RNF212: variants seen among roughly 807,000 people sequenced by gnomAD.
RNF212 encodes probable E3 SUMO-protein ligase RNF212.
Under a neutral mutation model 34.7 loss-of-function variants are expected in RNF212, and 33 were observed. That is an observed-to-expected ratio of 0.95 (90% confidence interval 0.72 to 1.27). RNF212 has a LOEUF of 1.27. Ranked by LOEUF, RNF212 falls within the 50% of genes most tolerant of loss-of-function variation. The pLI is 0.00. For synonymous variants in RNF212, 140 were observed against 136.1 expected (o/e 1.03, Z -0.20); for missense variants, 377 against 362.2 (o/e 1.04, Z -0.33).
intron 3 of RNF212, chr4:1,093,897 GT>G (rs1442999847): frequency 5.2e-6 from 8 of 1,536,144 alleles, no homozygotes; most frequent in Admixed American, 2.0e-5. Flanking sequence ...CTGACCCAGT[GT>G]TCTTGGGGAT....
chr4:1,076,408 C>T (rs1416945127), intron 8 of RNF212, among the ~76,000 whole-genome samples: 1 of 152,238 alleles, frequency 6.6e-6, no homozygotes, highest in Non-Finnish European at 1.5e-5. Context: ...CTGTGGCCCT[C>T]CCTCTGACGA....
rs1024190437 is a variant in RNF212 at position 1,056,537 on chromosome 4, A to G, written n.221-34T>C. The G allele has an allele frequency of 5.2e-6, 5 of 968,168 alleles. No homozygotes were observed. The African/African-American group carries it at 7.0e-5, about 14-fold the overall frequency. The allele number at this position is 968,168 out of a possible 1,614,324, so 60.0% of individuals were successfully genotyped here. On this transcript the variant is annotated intron_variant and non_coding_transcript_variant, in intron 4 of 4. Coordinates refer to the RNF212 transcript ENST00000503206. Reference sequence around the variant, plus strand: ...GAAAATGAGGGTGCACATGTTACATACAAAAAATAAGGTGGGGAGAAGAGT... The same window carrying G: ...GAAAATGAGGGTGCACATGTTACATGCAAAAAATAAGGTGGGGAGAAGAGT...
chr4:1,071,273 C>T (rs1231056518), downstream of RNF212, among the ~76,000 whole-genome samples: 1 of 149,402 alleles, frequency 6.7e-6, no homozygotes, highest in Non-Finnish European at 1.5e-5. Flanking sequence ...AAAAAACTAA[C>T]TTGGTTTTTA....
chr4:1,068,515 C>T (rs73792252), downstream of RNF212, among the ~76,000 whole-genome samples: 548 of 152,350 alleles, frequency 3.6e-3, 5 homozygotes, highest in African/African-American at 0.013. Flanking sequence ...TGCTTATTAT[C>T]CTCTATGTTA....
At chr4:1,082,470 G>A (rs533635351) in intron 5 of RNF212, among the ~76,000 whole-genome samples, 32 of 152,358 alleles carry the variant, frequency 2.1e-4, no homozygotes, top group African/African-American at 7.5e-4. Context: ...GTCTATGCTG[G>A]CTGGGTTTTG....
At chr4:1,073,233 C>T in intron 9 of RNF212, 40 bp from the exon 10 acceptor site, 1 of 1,601,012 alleles carries the variant, frequency 6.2e-7, no homozygotes, top group Non-Finnish European at 8.5e-7. Flanking sequence ...GGGAGATGGC[C>T]TGTGTGGGCT....
At chr4:1,085,091 A>C (rs1172519870) in intron 5 of RNF212, among the ~76,000 whole-genome samples, 1 of 152,216 alleles carries the variant, frequency 6.6e-6, no homozygotes. Flanking sequence ...TGGGAGGCAG[A>C]CAGGGCTCCT....
intron 1 of RNF212, among the ~76,000 whole-genome samples, chr4:1,111,092 T>C (rs887470753): frequency 5.3e-5 from 8 of 152,160 alleles, no homozygotes; most frequent in Admixed American, 2.6e-4. Context: ...CGGGGAACAT[T>C]ATCTTGGGTC....
At chr4:1,059,347 G>A (rs1275504107) in intron 3 of RNF212, among the ~76,000 whole-genome samples, 1 of 152,240 alleles carries the variant, frequency 6.6e-6, no homozygotes, top group East Asian at 1.9e-4. Flanking sequence ...AAGGAAAGCT[G>A]TCTTACTAGG....
At position 1,072,602 on chromosome 4, in the gene RNF212, A is replaced by G. The variant is rs57770549; in HGVS notation, c.*272T>C. ...TTAAAAACCACCCAGTTAGAAAAAAATGATTTAAGTATGTGAAAAAAAAAC... is the reference window on the plus strand; with the variant it reads ...TTAAAAACCACCCAGTTAGAAAAAAGTGATTTAAGTATGTGAAAAAAAAAC... On this transcript the variant is annotated 3_prime_UTR_variant, in exon 10 of 10. Coordinates refer to ENST00000433731, the MANE Select transcript of RNF212 (RefSeq NM_001131034.4). The G allele has an allele frequency of 0.025, 24,503 of 965,528 alleles. 385 individuals carry two copies. The highest frequency in any genetic ancestry group is 0.028 in the Non-Finnish European group (21,952 of 779,184). The allele number at this position is 965,528 out of a possible 1,614,324, so 59.8% of individuals were successfully genotyped here. A position where few individuals can be genotyped will look rare whatever the true frequency, so the allele number is the denominator to read the frequency against.
At chr4:1,108,707 A>T (rs920133309) in intron 1 of RNF212, among the ~76,000 whole-genome samples, 6 of 152,022 alleles carry the variant, frequency 3.9e-5, no homozygotes, top group Non-Finnish European at 5.9e-5. Context: ...AAAATTAAAA[A>T]TTTTTTTTGA....
chr4:1,111,985 G>C (rs73063735), intron 1 of RNF212, among the ~76,000 whole-genome samples: 3,329 of 152,298 alleles, frequency 0.022, 127 homozygotes, highest in African/African-American at 0.076. Flanking sequence ...CAAGGCCGGT[G>C]ATTGTTAGAG....
At chr4:1,112,906 G>A (rs1173433716) in intron 1 of RNF212, among the ~76,000 whole-genome samples, 24 of 49,598 alleles carry the variant, frequency 4.8e-4, no homozygotes, top group African/African-American at 1.7e-3. Flanking sequence ...CACCTCCGGC[G>A]TCCCCTCTTT....
intron 3 of RNF212, among the ~76,000 whole-genome samples, chr4:1,094,598 C>T (rs1476065743): frequency 2.0e-5 from 3 of 152,176 alleles, no homozygotes; most frequent in Non-Finnish European, 4.4e-5. Flanking sequence ...ATGGGGCCAA[C>T]ACTTCCACAG....
At position 1,081,630 on chromosome 4, in the gene RNF212, G is replaced by A; in HGVS notation, c.363-11C>T. 6.3e-7 allele frequency: 1 copy of A among 1,589,458 alleles called. No individual in the cohort carries two copies. The highest frequency in any genetic ancestry group is 8.6e-7 in the Non-Finnish European group (1 of 1,157,896). On this transcript the variant is annotated splice_polypyrimidine_tract_variant and intron_variant, in intron 5 of 9. Transcript: ENST00000433731. ...TGTGATGATCTCATACTAAATAGAT[G>A]GAGAAAAGGTATTGAATTAAATCAT... is the stretch of plus-strand genomic sequence containing the variant.
intron 2 of RNF212, among the ~76,000 whole-genome samples, chr4:1,106,976 T>C (rs1458685398): frequency 6.6e-6 from 1 of 152,140 alleles, no homozygotes; most frequent in Admixed American, 6.5e-5. Context: ...AAAGGCTCAC[T>C]GATAGGAAAA....
intron 8 of RNF212, among the ~76,000 whole-genome samples, chr4:1,074,498 G>A (rs774353599): frequency 6.6e-6 from 1 of 152,066 alleles, no homozygotes; most frequent in African/African-American, 2.4e-5. Flanking sequence ...CCAGTACACC[G>A]TGGAAGCCCC....
chr4:1,083,503 C>T (rs1173946711), intron 5 of RNF212, among the ~76,000 whole-genome samples: 4 of 151,984 alleles, frequency 2.6e-5, no homozygotes, highest in African/African-American at 7.2e-5. Flanking sequence ...ATCAGCCAGG[C>T]GTGGTGGGGC....
chr4:1,068,730 G>A (rs1050129193), downstream of RNF212, among the ~76,000 whole-genome samples: 3 of 152,178 alleles, frequency 2.0e-5, no homozygotes, highest in East Asian at 1.9e-4. Context: ...TACATTTCTT[G>A]TAGGGCAGGT....
Sources: gnomAD v4.1 joint callset for allele counts (sites outside exome capture counted in the v4.1 genomes callset) on GRCh38, gnomAD v4.1.1 for gene constraint, MANE v1.5 for transcripts, NCBI Gene and HGNC (gene_info 2026-07-23, HGNC 2026-07-21) for gene names.